USP37: variants seen among roughly 807,000 people sequenced by gnomAD.
USP37 encodes the protein ubiquitin carboxyl-terminal hydrolase 37.
USP37 carries 27 observed loss-of-function variants against 124.0 expected under a neutral mutation model. The ratio of observed to expected loss-of-function variants is 0.22; its 90% CI spans 0.16 to 0.30. The LOEUF (loss-of-function observed/expected upper bound fraction) is 0.30, where lower values mean the gene tolerates loss of function less well. USP37 is among the 10% of genes least tolerant of loss of function. The pLI, the probability that USP37 is intolerant of heterozygous loss-of-function variation, is 1.00. For missense variants in USP37, 889 were observed against 1,140.4 expected, an observed-to-expected ratio of 0.78 and a Z score of 3.17; for synonymous variants, 365 against 388.0, an observed-to-expected ratio of 0.94 and a Z score of 0.70.
At chr2:218,466,846 T>G (rs1290245274) in intron 20 of USP37, among the ~76,000 whole-genome samples, 1 of 151,828 alleles carries the variant, frequency 6.6e-6, no homozygotes, top group Admixed American at 6.6e-5. Context: ...GCAATTCTCA[T>G]GCCTCAGCCA....
intron 11 of USP37, among the ~76,000 whole-genome samples, chr2:218,499,134 C>T (rs1312925833): frequency 6.6e-6 from 1 of 152,064 alleles, no homozygotes; most frequent in Non-Finnish European, 1.5e-5. Context: ...ATTAGCCAGG[C>T]GTGGAGGCAT....
At chr2:218,544,430 T>TATAGAGAGAGAGAGAGAG (rs377397246) in intron 8 of USP37, among the ~76,000 whole-genome samples, 4 of 50,808 alleles carry the variant, frequency 7.9e-5, no homozygotes, top group African/African-American at 4.0e-4. Context: ...TATATATATA[T>TATAGAGAGAGAGAGAGAG]AGAGAGAGAG....
intron 16 of USP37, among the ~76,000 whole-genome samples, chr2:218,484,537 G>A (rs1245883776): frequency 2.0e-5 from 3 of 151,946 alleles, no homozygotes; most frequent in Admixed American, 6.6e-5. Flanking sequence ...CAGGAGAATC[G>A]CTTGAACCCG....
intron 10 of USP37, among the ~76,000 whole-genome samples, chr2:218,511,742 T>C (rs1175663044): frequency 1.3e-5 from 2 of 152,112 alleles, no homozygotes; most frequent in Admixed American, 1.3e-4. Flanking sequence ...CCACTGCATC[T>C]GGCCCACATT....
chr2:218,559,996 C>CAA (rs764742520), intron 3 of USP37, among the ~76,000 whole-genome samples: 2 of 144,600 alleles, frequency 1.4e-5, no homozygotes, highest in Middle Eastern at 3.5e-3. Context: ...AACAAACAAA[C>CAA]AAAAAAAAAA....
chr2:218,551,020 TTA>T (rs1280178267), intron 5 of USP37, among the ~76,000 whole-genome samples: 10 of 152,188 alleles, frequency 6.6e-5, no homozygotes, highest in Non-Finnish European at 1.2e-4. Flanking sequence ...CATCCAGAGA[TTA>T]TGTTAAAAGT....
chr2:218,496,063 G>C (rs1689063490), intron 13 of USP37, 113 bp from the exon 14 acceptor site: 1 of 1,050,024 alleles, frequency 9.5e-7, no homozygotes, highest in African/African-American at 1.6e-5. Flanking sequence ...GAAGGCTGAG[G>C]CAGGCGGATC....
chr2:218,550,848 G>A (rs1692632418), intron 5 of USP37, among the ~76,000 whole-genome samples: 1 of 151,824 alleles, frequency 6.6e-6, no homozygotes, highest in African/African-American at 2.4e-5. Context: ...TGCAAAATAG[G>A]TCTTTGTATA....
Position 218,495,832 on chromosome 2 carries a change from G to A in USP37, c.1400C>T (p.Ala467Val), listed in dbSNP as rs768484774. 6.2e-7 allele frequency: 1 copy of A among 1,613,894 alleles called. No individual in the cohort carries two copies. Residue 467 changes from alanine (A) to valine (V), a missense_variant, in exon 14 of 26, where the codon GCT (alanine) becomes GTT (valine). Physicochemically the swap from Ala to Val is moderately conservative, Grantham distance 64. Coordinates refer to ENST00000258399, the MANE Select transcript of USP37 (RefSeq NM_020935.3). ...AACAGGGCAAGTGTATGCTCTGGTA[G>A]CTGAAATATCTGGTGAATTTTCTTC... ...SGEENSPDISATRAYTCPVIT... is the reference protein window; with the variant it reads ...SGEENSPDISVTRAYTCPVIT...
intron 20 of USP37, 107 bp downstream of exon 20, chr2:218,474,518 TGCTCA>T: frequency 1.4e-6 from 2 of 1,455,510 alleles, no homozygotes; most frequent in Non-Finnish European, 1.9e-6. Context: ...CACACCACCA[TGCTCA>T]GCTAATTTTT....
chr2:218,511,962 T>A (rs1467648690), intron 10 of USP37, among the ~76,000 whole-genome samples: 1 of 152,202 alleles, frequency 6.6e-6, no homozygotes, highest in East Asian at 1.9e-4. Flanking sequence ...TATAAGTGTC[T>A]TTTTCTGTAT....
At chr2:218,556,133 C>A (rs761538328) in intron 4 of USP37, among the ~76,000 whole-genome samples, 2 of 152,164 alleles carry the variant, frequency 1.3e-5, no homozygotes, top group Non-Finnish European at 2.9e-5. Context: ...TTATGACAAA[C>A]AAGAAACATC....
chr2:218,554,271 T>C (rs1377974876), intron 4 of USP37, among the ~76,000 whole-genome samples: 1 of 152,190 alleles, frequency 6.6e-6, no homozygotes, highest in Non-Finnish European at 1.5e-5. Flanking sequence ...AAGAACCAAC[T>C]GACAATATAA....
At position 218,454,951 on chromosome 2, in the gene USP37, C is replaced by G. The variant is rs1689611454; in HGVS notation, c.2919G>C (p.Lys973Asn). 1 of 1,614,000 alleles carries G rather than the reference C, an allele frequency of 6.2e-7. No individual in the cohort carries two copies. Among genetic ancestry groups the G allele is most frequent in the Admixed American group, 1.7e-5 (1 of 59,990 alleles). ...NSQSLSTEVG[K>N]TTRQAL ...TTCCTCACAAGGCCTGACGGGTAGTCTTCCCCACTTCCGTGCTAAGTGACT... is the reference window on the plus strand; with the variant it reads ...TTCCTCACAAGGCCTGACGGGTAGTGTTCCCCACTTCCGTGCTAAGTGACT... The change falls in exon 26 of 26, where the codon AAG (lysine) becomes AAC (asparagine). Residue 973 changes from lysine (K) to asparagine (N), a missense_variant. Around this residue, in one of 3 missense-constraint regions of USP37, gnomAD observed 504 missense variants for 714.3 expected, o/e 0.71. Transcript: ENST00000258399.
chr2:218,484,082 C>T (rs1691409149), intron 16 of USP37, among the ~76,000 whole-genome samples: 1 of 151,672 alleles, frequency 6.6e-6, no homozygotes, highest in Non-Finnish European at 1.5e-5. Context: ...TCGCTTGAAC[C>T]CAGGAGGCGG....
At chr2:218,474,233 G>C (rs963588556) in intron 20 of USP37, among the ~76,000 whole-genome samples, 1 of 152,018 alleles carries the variant, frequency 6.6e-6, no homozygotes, top group African/African-American at 2.4e-5. Context: ...ATACCTAAAG[G>C]GATATGGCAT....
At chr2:218,537,456 A>C (rs982504875) in intron 8 of USP37, among the ~76,000 whole-genome samples, 3 of 152,240 alleles carry the variant, frequency 2.0e-5, no homozygotes, top group Non-Finnish European at 4.4e-5. Context: ...TAGACCAGTC[A>C]AACTCTAGCC....
chr2:218,463,853 GATTTTT>G (rs1690166330), intron 21 of USP37, among the ~76,000 whole-genome samples: 1 of 129,210 alleles, frequency 7.7e-6, no homozygotes. Flanking sequence ...TATTTTTTAA[GATTTTT>G]TTTTTTTTTT....
intron 5 of USP37, among the ~76,000 whole-genome samples, chr2:218,551,795 ATTC>A (rs1283386810): frequency 6.7e-6 from 1 of 149,990 alleles, no homozygotes; most frequent in Non-Finnish European, 1.5e-5. Context: ...CAATTTCTTG[ATTC>A]TTTTTTTTTT....
Sources: allele counts gnomAD v4.1 joint callset (sites outside exome capture counted in the v4.1 genomes callset), GRCh38; gene constraint gnomAD v4.1.1; regional missense constraint gnomAD v4.1.1; transcripts MANE v1.5; gene names NCBI Gene and HGNC (gene_info 2026-07-23, HGNC 2026-07-21).